Variants in LOC102723971 observed in about 807,000 individuals in gnomAD.
chr9:135,618,941 C>T, the LOC102723971 span: 1 of 399,514 alleles, frequency 2.5e-6, no homozygotes. Flanking sequence ...AGGCCCATGT[C>T]CCCCACCCTG....
At chr9:135,614,690 C>T in the LOC102723971 span, among the ~76,000 whole-genome samples, 1 of 152,148 alleles carries the variant, frequency 6.6e-6, no homozygotes, top group Non-Finnish European at 1.5e-5. Flanking sequence ...AGGCAGGGAG[C>T]AGGGTCCCAG....
chr9:135,615,544 C>T, the LOC102723971 span: 1 of 398,734 alleles, frequency 2.5e-6, no homozygotes, highest in Non-Finnish European at 4.4e-6. Context: ...ATTCTCAGAC[C>T]TAGGGACCCC....
the LOC102723971 span, among the ~76,000 whole-genome samples, chr9:135,617,318 C>T: frequency 6.6e-6 from 1 of 152,166 alleles, no homozygotes; most frequent in Non-Finnish European, 1.5e-5. Context: ...GTGGATAAAA[C>T]TGAGAAAACA....
the LOC102723971 span, among the ~76,000 whole-genome samples, chr9:135,614,623 G>T: frequency 6.6e-5 from 10 of 152,284 alleles, no homozygotes; most frequent in African/African-American, 1.9e-4. Context: ...ACAGCAGGTC[G>T]CAGGAGAAGG....
At chr9:135,614,571 C>T in the LOC102723971 span, among the ~76,000 whole-genome samples, 36 of 152,274 alleles carry the variant, frequency 2.4e-4, no homozygotes, top group Admixed American at 2.0e-3. Flanking sequence ...TGATTAACCT[C>T]GGGGCCTTTC....
At chr9:135,619,228 T>C in the LOC102723971 span, among the ~76,000 whole-genome samples, 155 of 152,304 alleles carry the variant, frequency 1.0e-3, 1 homozygote, top group Non-Finnish European at 1.9e-3. Flanking sequence ...GGGCCAGCAG[T>C]GTGCCCCAGC....
At chr9:135,615,092 CAG>C in the LOC102723971 span, among the ~76,000 whole-genome samples, 1 of 152,216 alleles carries the variant, frequency 6.6e-6, no homozygotes, top group Admixed American at 6.5e-5. Context: ...TTTGCCAGTG[CAG>C]CCCCCTGGGA....
At chr9:135,615,494 T>C in the LOC102723971 span, 1 of 398,756 alleles carries the variant, frequency 2.5e-6, no homozygotes. Flanking sequence ...CGTGCTGTTC[T>C]GGAAGTAAGC....
chr9:135,617,214 C>G, the LOC102723971 span, among the ~76,000 whole-genome samples: 22,307 of 152,170 alleles, frequency 0.15, 1,710 homozygotes, highest in African/African-American at 0.16. Context: ...GACACATGCC[C>G]CTCAGGGAGG....
chr9:135,617,349 A>T, the LOC102723971 span, among the ~76,000 whole-genome samples: 38 of 152,160 alleles, frequency 2.5e-4, no homozygotes, highest in African/African-American at 8.9e-4. Context: ...CTTCCTCCTT[A>T]TCAAGCAATG....
the LOC102723971 span, among the ~76,000 whole-genome samples, chr9:135,619,667 C>T: frequency 0.018 from 2,735 of 152,212 alleles, 33 homozygotes; most frequent in African/African-American, 0.033. Flanking sequence ...GACCAGCCAA[C>T]GCCCACTCCT....
the LOC102723971 span, among the ~76,000 whole-genome samples, chr9:135,618,437 G>A: frequency 0.038 from 5,766 of 152,086 alleles, 213 homozygotes; most frequent in East Asian, 0.18. Flanking sequence ...TGGGAGTTTG[G>A]GATTCACTTA....
chr9:135,614,994 G>A, the LOC102723971 span, among the ~76,000 whole-genome samples: 1 of 152,196 alleles, frequency 6.6e-6, no homozygotes, highest in African/African-American at 2.4e-5. Flanking sequence ...GGGACGGGAG[G>A]TGACTCTTCC....
the LOC102723971 span, among the ~76,000 whole-genome samples, chr9:135,618,383 C>T: frequency 5.9e-5 from 9 of 152,200 alleles, no homozygotes; most frequent in South Asian, 2.1e-4. Flanking sequence ...TGCCTCCCAA[C>T]GCATCATTCA....
the LOC102723971 span, among the ~76,000 whole-genome samples, chr9:135,615,824 C>G: frequency 6.6e-6 from 1 of 152,226 alleles, no homozygotes; most frequent in East Asian, 1.9e-4. Context: ...CATCCCTCTC[C>G]CAAGGACCAC....
At chr9:135,615,629 G>C in the LOC102723971 span, 482 of 397,552 alleles carry the variant, frequency 1.2e-3, 7 homozygotes, top group East Asian at 0.015. Context: ...CGCTCCAAGA[G>C]GGGTAAGCTC....
chr9:135,619,846 G>GCCTTCTCCCCCTTCTCCC, the LOC102723971 span, among the ~76,000 whole-genome samples: 112 of 146,042 alleles, frequency 7.7e-4, no homozygotes, highest in Non-Finnish European at 1.2e-3. Context: ...CTCCAGTGAG[G>GCCTTCTCCCCCTTCTCCC]CCTTCTCCCC....
At chr9:135,614,437 CAG>C in the LOC102723971 span, 5,274 of 387,066 alleles carry the variant, frequency 0.014, 77 homozygotes, top group African/African-American at 0.044. Context: ...GTGGGGCAGA[CAG>C]GGGGGTGCCG....
At chr9:135,616,622 T>A in the LOC102723971 span, 3 of 398,540 alleles carry the variant, frequency 7.5e-6, no homozygotes, top group Non-Finnish European at 1.3e-5. Context: ...AACATCACCG[T>A]CCATCCAACC....
Sources: allele counts gnomAD v4.1 joint callset (sites outside exome capture counted in the v4.1 genomes callset), GRCh38; gene constraint gnomAD v4.1.1; transcripts MANE v1.5.